Variants in SENP6 observed in about 807,000 individuals in gnomAD.
SENP6 encodes the protein sentrin-specific protease 6.
SENP6 carries 41 observed loss-of-function variants against 134.5 expected under a neutral mutation model. The ratio of observed to expected loss-of-function variants is 0.30; its 90% CI spans 0.24 to 0.40. SENP6 has a LOEUF of 0.40. SENP6 is among the 10% of genes least tolerant of loss of function. The pLI, the probability that SENP6 is intolerant of heterozygous loss-of-function variation, is 1.00. For synonymous variants in SENP6, 395 were observed against 429.8 expected, an observed-to-expected ratio of 0.92 and a Z score of 1.00; for missense variants, 1,248 against 1,312.5, an observed-to-expected ratio of 0.95 and a Z score of 0.76.
At chr6:75,640,737 A>C in intron 6 of SENP6, 33 bp downstream of exon 6, 3 of 1,314,890 alleles carry the variant, frequency 2.3e-6, no homozygotes, top group Non-Finnish European at 3.1e-6. Context: ...TAGAGCATGG[A>C]TATAGTGGTA....
chr6:75,605,694 T>C (rs1282233206), intron 1 of SENP6, among the ~76,000 whole-genome samples: 1 of 152,150 alleles, frequency 6.6e-6, no homozygotes, highest in African/African-American at 2.4e-5. Context: ...AGGCAGGAGA[T>C]CTTTCATGCA....
intron 1 of SENP6, among the ~76,000 whole-genome samples, chr6:75,607,803 C>T (rs999969882): frequency 4.6e-5 from 7 of 152,158 alleles, no homozygotes; most frequent in Non-Finnish European, 7.4e-5. Flanking sequence ...TTTTCCATTT[C>T]GCCTTAGCCA....
chr6:75,658,759 A>C (rs953281050), intron 7 of SENP6, among the ~76,000 whole-genome samples: 4 of 151,728 alleles, frequency 2.6e-5, no homozygotes, highest in Non-Finnish European at 1.5e-5. Flanking sequence ...AGTGACTTGG[A>C]AAAAAAGAAG....
At position 75,666,925 on chromosome 6, in the gene SENP6, C is replaced by T. The variant is rs757872641; in HGVS notation, c.1208C>T (p.Ala403Val). 1 of 1,597,806 alleles carries T rather than the reference C, an allele frequency of 6.3e-7. No homozygotes were observed. The highest frequency in any genetic ancestry group is 8.6e-7 in the Non-Finnish European group (1 of 1,167,948). Residue 403 changes from alanine to valine, a missense_variant, in exon 10 of 24, where the codon GCA becomes GTA. Ala to Val is a moderately conservative substitution (Grantham distance 64). Around this residue, in one of 3 missense-constraint regions of SENP6, gnomAD observed 733 missense variants for 725.4 expected, o/e 1.01. Coordinates refer to ENST00000447266, the MANE Select transcript of SENP6 (RefSeq NM_015571.4). ...AATACAGTTACATTGCCAAGAAAAGCAAGAATGAAAGACCAGGTACTTTTC... is the reference window on the plus strand; with the variant it reads ...AATACAGTTACATTGCCAAGAAAAGTAAGAATGAAAGACCAGGTACTTTTC... ...ELNTVTLPRKARMKDQFGNSI... is the reference protein window; with the variant it reads ...ELNTVTLPRKVRMKDQFGNSI...
At chr6:75,691,925 C>T (rs1385888564) in intron 16 of SENP6, among the ~76,000 whole-genome samples, 5 of 151,720 alleles carry the variant, frequency 3.3e-5, no homozygotes, top group African/African-American at 7.3e-5. Flanking sequence ...GGCACAATCT[C>T]GGCTTACTGC....
At chr6:75,623,080 G>A (rs1189408721) in intron 2 of SENP6, among the ~76,000 whole-genome samples, 1 of 151,754 alleles carries the variant, frequency 6.6e-6, no homozygotes, top group African/African-American at 2.4e-5. Flanking sequence ...AAAAAGTTTG[G>A]ATGTATATAA....
intron 16 of SENP6, among the ~76,000 whole-genome samples, chr6:75,680,831 T>TATAAA (rs1773411725): frequency 1.3e-5 from 2 of 152,128 alleles, no homozygotes; most frequent in South Asian, 4.1e-4. Flanking sequence ...CATGTACTTT[T>TATAAA]AGTCCCACCT....
At chr6:75,682,804 A>G (rs1358681801) in intron 16 of SENP6, among the ~76,000 whole-genome samples, 1 of 152,148 alleles carries the variant, frequency 6.6e-6, no homozygotes, top group Non-Finnish European at 1.5e-5. Context: ...CCAGTCTATC[A>G]TTGATGGACA....
chr6:75,702,757 G>C lies in SENP6; in HGVS notation c.2401G>C (p.Asp801His), dbSNP rs375569038. 2 of 1,613,524 alleles carry C rather than the reference G, an allele frequency of 1.2e-6. No individual in the cohort carries two copies. Among genetic ancestry groups the C allele is most frequent in the African/African-American group, 1.3e-5 (1 of 74,854 alleles). Reference protein sequence around the residue: ...AVIQKCSTVEDSCISSSASEM... With the variant: ...AVIQKCSTVEHSCISSSASEM... ...CATACAGAAATGTTCAACTGTAGAG[G>C]ACAGTTGTATTTCTTCTTCAGCCAG... The change falls in exon 19 of 24, where the codon GAC becomes CAC. Residue 801 changes from aspartate to histidine, a missense_variant. By Grantham distance (81) the Asp-to-His change is moderately conservative. This residue lies in a region of SENP6 where 386 missense variants were observed against 395.0 expected (regional missense o/e 0.98). Transcript: ENST00000447266.
chr6:75,691,656 G>A (rs1047388496), intron 16 of SENP6, among the ~76,000 whole-genome samples: 2 of 151,572 alleles, frequency 1.3e-5, no homozygotes, highest in African/African-American at 4.8e-5. Context: ...TTGGAGTGCA[G>A]TGGCGCGATC....
intron 15 of SENP6, 41 bp downstream of exon 15, chr6:75,678,733 T>A (rs1248453997): frequency 7.2e-7 from 1 of 1,384,184 alleles, no homozygotes; most frequent in South Asian, 1.2e-5. Context: ...CTTAAATGTC[T>A]TTCTCTGTTT....
chr6:75,617,177 C>G (rs1005153745), intron 1 of SENP6, among the ~76,000 whole-genome samples: 4 of 151,542 alleles, frequency 2.6e-5, no homozygotes, highest in Non-Finnish European at 1.5e-5. Flanking sequence ...CTGCACCCAG[C>G]CTTTGGTGTT....
intron 20 of SENP6, among the ~76,000 whole-genome samples, chr6:75,710,913 G>A (rs547891485): frequency 6.6e-6 from 1 of 152,236 alleles, no homozygotes; most frequent in East Asian, 1.9e-4. Flanking sequence ...TATTTCTGAT[G>A]TGAAAACATT....
At chr6:75,687,465 G>A (rs1286998682) in intron 16 of SENP6, among the ~76,000 whole-genome samples, 2 of 152,214 alleles carry the variant, frequency 1.3e-5, no homozygotes, top group Non-Finnish European at 2.9e-5. Flanking sequence ...CAATCCTTTG[G>A]AGAAGAAGAG....
intron 7 of SENP6, among the ~76,000 whole-genome samples, chr6:75,657,924 G>A (rs185620906): frequency 7.2e-5 from 11 of 152,240 alleles, no homozygotes; most frequent in Admixed American, 2.0e-4. Flanking sequence ...TTAAGTGGAA[G>A]TAAGATTGAA....
intron 21 of SENP6, 132 bp from the exon 22 acceptor site, chr6:75,713,381 C>A: frequency 1.5e-6 from 1 of 659,794 alleles, no homozygotes; most frequent in South Asian, 2.2e-5. Flanking sequence ...TTTTTTCCCT[C>A]AGTAGTACTG....
chr6:75,611,142 A>G (rs1017054404), intron 1 of SENP6: 1 of 152,226 alleles, frequency 6.6e-6, no homozygotes, highest in Admixed American at 6.5e-5. Flanking sequence ...AGATGAAGGT[A>G]CTACTTAACT....
At chr6:75,603,531 T>C (rs1766799106) in intron 1 of SENP6, among the ~76,000 whole-genome samples, 1 of 152,222 alleles carries the variant, frequency 6.6e-6, no homozygotes, top group Non-Finnish European at 1.5e-5. Flanking sequence ...AAAGATGATT[T>C]TCATTGCAAT....
intron 1 of SENP6, among the ~76,000 whole-genome samples, chr6:75,606,908 CAG>C (rs796284042): frequency 2.8e-4 from 43 of 152,182 alleles, no homozygotes; most frequent in African/African-American, 1.0e-3. Context: ...TATTAGAGAA[CAG>C]AAGGTAGAGA....
Sources: allele counts gnomAD v4.1 joint callset (sites outside exome capture counted in the v4.1 genomes callset), GRCh38; gene constraint gnomAD v4.1.1; regional missense constraint gnomAD v4.1.1; transcripts MANE v1.5; gene names NCBI Gene and HGNC (gene_info 2026-07-23, HGNC 2026-07-21).